CPNE5: variants seen among roughly 807,000 people sequenced by gnomAD.
CPNE5 encodes copine-5.
Under a neutral mutation model 81.1 loss-of-function variants are expected in CPNE5, and 42 were observed. The ratio of observed to expected loss-of-function variants is 0.52; its 90% CI spans 0.40 to 0.67. The LOEUF is 0.67. Among genes scored for constraint, CPNE5 ranks in the 30% least tolerant of loss-of-function variants. CPNE5 has a pLI of 0.00. For missense variants in CPNE5, 612 were observed against 815.5 expected, an observed-to-expected ratio of 0.75 and a Z score of 3.04; for synonymous variants, 313 against 321.5, an observed-to-expected ratio of 0.97 and a Z score of 0.28.
chr6:36,789,947 A>G (rs73416207), intron 8 of CPNE5, among the ~76,000 whole-genome samples: 6,670 of 152,170 alleles, frequency 0.044, 182 homozygotes, highest in East Asian at 0.12. Flanking sequence ...TCATCTCTAG[A>G]CTGCCCTGTA....
chr6:36,776,184 G>A lies in CPNE5; in HGVS notation c.633-1119C>T, dbSNP rs1029662494. 5.3e-5 allele frequency among the ~76,000 whole-genome samples: 8 copies of A among 152,308 alleles called. 1 individual carries two copies. The South Asian group carries it at 1.2e-3, about 24-fold the overall frequency. On this transcript the variant is annotated intron_variant, in intron 9 of 20. Coordinates refer to ENST00000244751, the MANE Select transcript of CPNE5 (RefSeq NM_020939.2). ...AGTCACTACCAGGGCTGAGCTGGGG[G>A]CAGGGGCGTCTCTCTGAGATCTCCC...
At position 36,743,752 on chromosome 6, in the gene CPNE5, C is replaced by T; in HGVS notation, c.1500G>A (p.Glu500=). Residue 500 remains glutamate, a synonymous_variant, in exon 20 of 21, where the codon GAG becomes GAA. Transcript: ENST00000244751. The part of the protein sequence containing the change: ...VGQAEFDAMV[E]LDGDDVRISS... ...AGATCCGCACGTCGTCGCCATCCAG[C>T]TCCACCATGGCTGTGAGGGGAGGAG... The T allele has an allele frequency of 6.2e-7, 1 of 1,612,196 alleles. No homozygotes were observed. The highest frequency in any genetic ancestry group is 8.5e-7 in the Non-Finnish European group (1 of 1,179,946).
chr6:36,765,224 C>T, intron 11 of CPNE5, 111 bp downstream of exon 11: 1 of 1,195,272 alleles, frequency 8.4e-7, no homozygotes, highest in East Asian at 2.5e-5. Context: ...TCCCTCACCC[C>T]CAGAGCCACT....
chr6:36,743,831 G>A (rs1047318080), intron 19 of CPNE5, 69 bp from the exon 20 acceptor site: 1 of 1,361,690 alleles, frequency 7.3e-7, no homozygotes, highest in African/African-American at 1.4e-5. Flanking sequence ...GCAGGAGAGT[G>A]GACTTGTCCT....
At chr6:36,812,593 C>T (rs1350472353) in intron 3 of CPNE5, among the ~76,000 whole-genome samples, 1 of 152,138 alleles carries the variant, frequency 6.6e-6, no homozygotes, top group African/African-American at 2.4e-5. Context: ...AGGGACATCC[C>T]AGACAGCACC....
chr6:36,824,249 C>G (rs1220013285), intron 1 of CPNE5, among the ~76,000 whole-genome samples: 2 of 152,206 alleles, frequency 1.3e-5, no homozygotes, highest in Non-Finnish European at 2.9e-5. Flanking sequence ...CAGGAAGGGG[C>G]TGGAGGACTG....
chr6:36,763,266 C>A (rs767524828), intron 11 of CPNE5, among the ~76,000 whole-genome samples: 4 of 152,072 alleles, frequency 2.6e-5, no homozygotes, highest in Admixed American at 2.6e-4. Flanking sequence ...ATTTGGGGGA[C>A]AACTGGGGAA....
intron 18 of CPNE5, 74 bp from the exon 19 acceptor site, chr6:36,744,399 G>A (rs1446065556): frequency 6.7e-6 from 8 of 1,198,972 alleles, no homozygotes; most frequent in Non-Finnish European, 9.7e-6. Context: ...AGAAATCAGG[G>A]GTAGGACAGG....
In CPNE5 at chr6:36,768,657, C is replaced by G. The variant is rs373582545; in HGVS notation, c.738-3281G>C. On this transcript the variant is annotated intron_variant, in intron 10 of 20. Coordinates refer to ENST00000244751, the MANE Select transcript of CPNE5 (RefSeq NM_020939.2). ...AGGGCCAACAAAAGCTGCGGTCCAGCTGACTGTGACTTCTGGGGCCGGCAC... is the reference window on the plus strand; with the variant it reads ...AGGGCCAACAAAAGCTGCGGTCCAGGTGACTGTGACTTCTGGGGCCGGCAC... 7.2e-5 allele frequency among the ~76,000 whole-genome samples: 11 copies of G among 152,328 alleles called. No homozygotes were observed. In the South Asian group the frequency reaches 2.3e-3, roughly 32 times the overall value.
intron 1 of CPNE5, among the ~76,000 whole-genome samples, chr6:36,828,948 C>G (rs1017075643): frequency 6.6e-6 from 1 of 152,200 alleles, no homozygotes; most frequent in South Asian, 2.1e-4. Flanking sequence ...AACAGTCCCC[C>G]CCTCCCAGGA....
At chr6:36,793,976 A>C (rs1280623888) in intron 7 of CPNE5, among the ~76,000 whole-genome samples, 1 of 152,126 alleles carries the variant, frequency 6.6e-6, no homozygotes, top group Non-Finnish European at 1.5e-5. Flanking sequence ...AAAGAAGGGG[A>C]GGGAAGGAGG....
At chr6:36,802,802 C>G (rs1211405641) in intron 3 of CPNE5, among the ~76,000 whole-genome samples, 1 of 152,108 alleles carries the variant, frequency 6.6e-6, no homozygotes, top group Non-Finnish European at 1.5e-5. Flanking sequence ...GTAATCCCAG[C>G]ACTTTGGGAG....
rs751074524 is a variant in CPNE5, at chr6:36,778,997, A to T, written c.529-40T>A. ...GGAGAACGGGGTGTGAGGCAGGAGA[A>T]AGTGGAAGCACAGCTCCCAGACCCC... On this transcript the variant is annotated intron_variant, in intron 8 of 20. Transcript: ENST00000244751. 1.2e-4 allele frequency: 161 copies of T among 1,394,504 alleles called. 2 individuals carry two copies. In the South Asian group the frequency reaches 1.8e-3, roughly 15 times the overall value. 86.4% of individuals were successfully genotyped at this position (1,394,504 alleles called of 1,614,324 possible). A position where few individuals can be genotyped will look rare whatever the true frequency, so the allele number is the denominator to read the frequency against.
intron 12 of CPNE5, 21 bp downstream of exon 12, chr6:36,762,896 G>A (rs1195637192): frequency 7.5e-6 from 12 of 1,609,754 alleles, no homozygotes; most frequent in Non-Finnish European, 9.4e-6. Flanking sequence ...GCAAACCCTG[G>A]ATTTCGGGTG....
chr6:36,769,907 T>A (rs1281698908), intron 10 of CPNE5, among the ~76,000 whole-genome samples: 5 of 152,178 alleles, frequency 3.3e-5, no homozygotes, highest in Admixed American at 3.3e-4. Context: ...GAAGCTGCGG[T>A]GACTCCTTTC....
intron 8 of CPNE5, among the ~76,000 whole-genome samples, chr6:36,783,175 C>G (rs891259314): frequency 2.0e-5 from 3 of 151,834 alleles, no homozygotes; most frequent in Admixed American, 6.6e-5. Flanking sequence ...ATGGTTCTAC[C>G]CACACAGGCA....
intron 1 of CPNE5, among the ~76,000 whole-genome samples, chr6:36,832,032 C>A (rs1437098268): frequency 6.6e-6 from 1 of 152,284 alleles, no homozygotes; most frequent in South Asian, 2.1e-4. Flanking sequence ...GCAGAAGAGA[C>A]CTTAGGGAAC....
intron 12 of CPNE5, among the ~76,000 whole-genome samples, chr6:36,759,920 T>C (rs1039523627): frequency 3.9e-5 from 6 of 152,014 alleles, no homozygotes; most frequent in East Asian, 1.9e-4. Context: ...TTTATTTACA[T>C]GCACAGCCAG....
intron 14 of CPNE5, among the ~76,000 whole-genome samples, chr6:36,749,186 T>C (rs937571361): frequency 6.6e-6 from 1 of 152,022 alleles, no homozygotes; most frequent in African/African-American, 2.4e-5. Context: ...TCCTCCTGCC[T>C]CAGCCTCCCA....
Sources: allele counts gnomAD v4.1 joint callset (sites outside exome capture counted in the v4.1 genomes callset), GRCh38; gene constraint gnomAD v4.1.1; transcripts MANE v1.5; gene names NCBI Gene and HGNC (gene_info 2026-07-23, HGNC 2026-07-21).